RNF220: variants seen among roughly 807,000 people sequenced by gnomAD.
RNF220 encodes the protein E3 ubiquitin-protein ligase RNF220.
In RNF220, 7 loss-of-function variants were observed where a neutral mutation model predicts 67.1. The ratio of observed to expected loss-of-function variants is 0.10; its 90% confidence interval spans 0.06 to 0.20. The LOEUF (loss-of-function observed/expected upper bound fraction) is 0.20. RNF220 is among the 10% of genes least tolerant of loss of function. RNF220 has a pLI of 1.00. For missense variants in RNF220, 565 were observed against 740.3 expected, an observed-to-expected ratio of 0.76 and a Z score of 2.75; for synonymous variants, 270 against 283.2, an observed-to-expected ratio of 0.95 and a Z score of 0.47.
chr1:44,609,087 T>C (rs1667479303), intron 2 of RNF220, among the ~76,000 whole-genome samples: 1 of 152,220 alleles, frequency 6.6e-6, no homozygotes, highest in African/African-American at 2.4e-5. Context: ...GAGGCAGCTC[T>C]GTTGAATTCT....
Position 44,510,034 on chromosome 1 carries a change from T to C in RNF220, c.625+97312T>C, listed in dbSNP as rs151269189. Among the ~76,000 whole-genome samples the C allele has an allele frequency of 4.8e-3, 732 of 151,932 alleles. 7 individuals carry two copies. The highest frequency in any genetic ancestry group is 0.016 in the African/African-American group (680 of 41,452). On this transcript the variant is annotated intron_variant, in intron 2 of 14. Transcript: ENST00000361799. ...GGGAGGATCGCTTGAGCCCAGGAGT[T>C]TGAGACCAGCCTGAGGTACATGGCG...
In RNF220 at chr1:44,650,326, C is replaced by T. The variant is rs1644758010; in HGVS notation, c.1629+369C>T. ...ATTACTAAGCTCCTTCTGCTCCTGC[C>T]CCTGTTCTTCGCTCAGGAGCAGCCA... is the stretch of plus-strand genomic sequence containing the variant. On this transcript the variant is annotated intron_variant, in intron 14 of 14. Coordinates refer to ENST00000361799, the MANE Select transcript of RNF220 (RefSeq NM_018150.4). This position sits in a 1 kb window ranked among gnomAD's most constrained non-coding sequence, Gnocchi z 4.3. The T allele has an allele frequency of 4.2e-6, 2 of 481,322 alleles. No individual in the cohort carries two copies. The highest frequency in any genetic ancestry group is 3.7e-5 in the East Asian group (1 of 26,884). 29.8% of individuals were successfully genotyped at this position (481,322 alleles called of 1,614,324 possible). A position where few individuals can be genotyped will look rare whatever the true frequency, so the allele number is the denominator to read the frequency against.
Position 44,434,364 on chromosome 1 carries a change from G to A in RNF220, c.625+21642G>A, listed in dbSNP as rs1650724237. On this transcript the variant is annotated intron_variant, in intron 2 of 14. Transcript: ENST00000361799. Reference sequence around the variant, plus strand: ...GATTTTATTTTGGGTTCATCAGGAAGCCACAGAGTGTTTTAAACATAAATC... The same window carrying A: ...GATTTTATTTTGGGTTCATCAGGAAACCACAGAGTGTTTTAAACATAAATC... Among the ~76,000 whole-genome samples the A allele has an allele frequency of 2.0e-5, 3 of 152,228 alleles. No homozygotes were observed. The South Asian group carries it at 6.2e-4, about 32-fold the overall frequency.
intron 3 of RNF220, among the ~76,000 whole-genome samples, chr1:44,619,860 G>A (rs1323334767): frequency 6.6e-6 from 1 of 152,180 alleles, no homozygotes; most frequent in Non-Finnish European, 1.5e-5. Context: ...GGTTGTTGGA[G>A]GGAAGATAGG....
chr1:44,577,204 A>C (rs919968304), intron 2 of RNF220, among the ~76,000 whole-genome samples: 1 of 152,136 alleles, frequency 6.6e-6, no homozygotes, highest in Admixed American at 6.5e-5. Context: ...CTGTCTTCCT[A>C]TCAGGTTTCA....
chr1:44,497,721 T>C (rs1657465186), intron 2 of RNF220, among the ~76,000 whole-genome samples: 1 of 152,140 alleles, frequency 6.6e-6, no homozygotes. Flanking sequence ...AATCTCTCCA[T>C]TCCCCCAAGT....
intron 2 of RNF220, among the ~76,000 whole-genome samples, chr1:44,561,598 A>G (rs1328307584): frequency 6.6e-6 from 1 of 152,178 alleles, no homozygotes; most frequent in Non-Finnish European, 1.5e-5. Flanking sequence ...GCCATGGAAA[A>G]AGAATGGTGG....
intron 2 of RNF220, among the ~76,000 whole-genome samples, chr1:44,576,536 G>A (rs1236180422): frequency 6.6e-6 from 1 of 152,104 alleles, no homozygotes; most frequent in African/African-American, 2.4e-5. Flanking sequence ...GGGAGCCCTG[G>A]GCAAGGAGAA....
intron 2 of RNF220, among the ~76,000 whole-genome samples, chr1:44,492,803 CA>C (rs1169678898): frequency 6.6e-6 from 1 of 151,972 alleles, no homozygotes; most frequent in African/African-American, 2.4e-5. Context: ...GTATGGATTT[CA>C]GGGGTGATGA....
Position 44,527,925 on chromosome 1 carries a change from C to CAAAAAAAAAAAAAAAAAAAAAAA in RNF220, c.626-86236_626-86214dup, listed in dbSNP as rs56409207. On this transcript the variant is annotated intron_variant, in intron 2 of 14. Coordinates refer to ENST00000361799, the MANE Select transcript of RNF220 (RefSeq NM_018150.4). Reference sequence around the variant, plus strand: ...TGGGTGACAGAGCAAGACTCCATCCCAAAAAAAAAAAAAAAAAAAAAAAAA... The same window carrying CAAAAAAAAAAAAAAAAAAAAAAA: ...TGGGTGACAGAGCAAGACTCCATCCCAAAAAAAAAAAAAAAAAAAAAAAAAAAAAAAAAAAAAAAAAAAAAAAA... Among the ~76,000 whole-genome samples, 8 of 56,194 alleles carry CAAAAAAAAAAAAAAAAAAAAAAA rather than the reference C, an allele frequency of 1.4e-4. 3 individuals carry two copies. Among genetic ancestry groups the CAAAAAAAAAAAAAAAAAAAAAAA allele is most frequent in the African/African-American group, 6.1e-4 (6 of 9,846 alleles). 36.9% of individuals were successfully genotyped at this position (56,194 alleles called of 152,430 possible).
chr1:44,409,919 C>T (rs577957551), intron 1 of RNF220, among the ~76,000 whole-genome samples: 2 of 152,278 alleles, frequency 1.3e-5, no homozygotes, highest in African/African-American at 4.8e-5. Context: ...GCACTCCCCC[C>T]TCCCCCATGG....
At chr1:44,573,106 A>C (rs1356636540) in intron 2 of RNF220, 1 of 167,178 alleles carries the variant, frequency 6.0e-6, no homozygotes, top group African/African-American at 2.4e-5. Flanking sequence ...ATATAATATA[A>C]ATTATATAAT....
chr1:44,558,269 A>G (rs903964315), intron 2 of RNF220, among the ~76,000 whole-genome samples: 1 of 152,240 alleles, frequency 6.6e-6, no homozygotes, highest in African/African-American at 2.4e-5. Context: ...ATGCTGGAGA[A>G]TAGAGAATAA....
At chr1:44,637,368 G>A (rs1644359247) in intron 8 of RNF220, among the ~76,000 whole-genome samples, 1 of 152,240 alleles carries the variant, frequency 6.6e-6, no homozygotes, top group Non-Finnish European at 1.5e-5. Context: ...GTGTTAGTTT[G>A]CCATTTCACT....
intron 2 of RNF220, among the ~76,000 whole-genome samples, chr1:44,475,014 G>C (rs1032655651): frequency 6.6e-6 from 1 of 151,926 alleles, no homozygotes; most frequent in African/African-American, 2.4e-5. Flanking sequence ...TGAAAGCCAA[G>C]TTGAAAATTA....
At chr1:44,448,468 C>G (rs1652331413) in intron 2 of RNF220, among the ~76,000 whole-genome samples, 2 of 152,250 alleles carry the variant, frequency 1.3e-5, no homozygotes, top group Admixed American at 6.5e-5. Flanking sequence ...TCATGTGGCA[C>G]AAGCCTTCTT....
intron 2 of RNF220, among the ~76,000 whole-genome samples, chr1:44,555,109 C>T (rs777923686): frequency 1.3e-5 from 2 of 152,164 alleles, no homozygotes; most frequent in East Asian, 1.9e-4. Context: ...CACTCTGTTG[C>T]CCAGGCTGGA....
intron 2 of RNF220, among the ~76,000 whole-genome samples, chr1:44,591,766 C>G (rs1051094587): frequency 1.3e-5 from 2 of 152,210 alleles, no homozygotes; most frequent in African/African-American, 4.8e-5. Flanking sequence ...CCTCTCACTC[C>G]TCTGTCCTCC....
At chr1:44,632,294 C>A in intron 5 of RNF220, 49 bp from the exon 6 acceptor site, 7 of 1,613,964 alleles carry the variant, frequency 4.3e-6, no homozygotes, top group Non-Finnish European at 5.9e-6. Flanking sequence ...GCAGGCCGCG[C>A]CTGACGCTCT....
Sources: gnomAD v4.1 joint callset for allele counts (sites outside exome capture counted in the v4.1 genomes callset) on GRCh38, gnomAD v4.1.1 for gene constraint, Gnocchi (gnomAD v3.1) non-coding constraint, MANE v1.5 for transcripts, NCBI Gene and HGNC (gene_info 2026-07-23, HGNC 2026-07-21) for gene names.